FSIP2: variants seen among roughly 807,000 people sequenced by gnomAD.
FSIP2 encodes fibrous sheath interacting protein 2.
FSIP2 carries 367 observed loss-of-function variants against 510.5 expected under a neutral mutation model. The observed-to-expected ratio is 0.72, with a 90% CI of 0.66 to 0.78. The LOEUF is 0.78. FSIP2 is among the 30% of genes least tolerant of loss of function. The probability of loss-of-function intolerance (pLI) is 0.00; values close to 1 mark genes in which losing one functional copy is unlikely to be tolerated. For missense variants in FSIP2, 7,594 were observed against 7,901.7 expected, an observed-to-expected ratio of 0.96 and a Z score of 1.48; for synonymous variants, 2,601 against 2,732.2, an observed-to-expected ratio of 0.95 and a Z score of 1.50.
At chr2:185,820,005 C>A (rs1192655246) in intron 19 of FSIP2, among the ~76,000 whole-genome samples, 1 of 151,820 alleles carries the variant, frequency 6.6e-6, no homozygotes, top group African/African-American at 2.4e-5. Context: ...CTTCAGTATG[C>A]CATTTTCAAT....
At position 185,792,258 on chromosome 2, in the gene FSIP2, T is replaced by G; in HGVS notation, c.5122T>G (p.Tyr1708Asp). The G allele has an allele frequency of 6.5e-7, 1 of 1,533,350 alleles. No homozygotes were observed. The highest frequency in any genetic ancestry group is 1.7e-4 in the Middle Eastern group (1 of 5,970). 95.0% of individuals were successfully genotyped at this position (1,533,350 alleles called of 1,614,324 possible). ...ATCTGAAGGGGGAGGCATTGAAACT[T>G]ATCGATACAGGCCAACATATGGAAG... ...MESEGGGIET[Y>D]RYRPTYGSLP... The change falls in exon 16 of 23, where the codon TAT (tyrosine) becomes GAT (aspartate). Residue 1708 changes from tyrosine (Y) to aspartate (D), a missense_variant. Transcript: ENST00000424728.
At chr2:185,762,093 G>A (rs1248484000) in intron 11 of FSIP2, 76 bp downstream of exon 11, 1 of 688,288 alleles carries the variant, frequency 1.5e-6, no homozygotes, top group Non-Finnish European at 2.4e-6. Context: ...ATTTTAAGTT[G>A]TTTTATCTGA....
intron 13 of FSIP2, among the ~76,000 whole-genome samples, chr2:185,770,887 T>G (rs1692594321): frequency 6.6e-6 from 1 of 152,210 alleles, no homozygotes; most frequent in African/African-American, 2.4e-5. Flanking sequence ...GATACTATGG[T>G]GGTACAGGCA....
At chr2:185,785,772 C>A (rs1404453766) in intron 14 of FSIP2, among the ~76,000 whole-genome samples, 1 of 151,918 alleles carries the variant, frequency 6.6e-6, no homozygotes, top group Non-Finnish European at 1.5e-5. Flanking sequence ...AATAAGCATT[C>A]ACATATTTTC....
At chr2:185,767,187 A>T in intron 13 of FSIP2, among the ~76,000 whole-genome samples, 2 of 146,716 alleles carry the variant, frequency 1.4e-5, no homozygotes, top group African/African-American at 2.5e-5. Context: ...GGCAGGGGGG[A>T]GGGATAGCAT....
rs907194970 is a variant in FSIP2, at chr2:185,808,123, G to A, written c.18817G>A (p.Asp6273Asn). 4 of 1,605,852 alleles carry A rather than the reference G, an allele frequency of 2.5e-6. No individual in the cohort carries two copies. The highest frequency in any genetic ancestry group is 3.4e-6 in the Non-Finnish European group (4 of 1,177,178). The change falls in exon 17 of 23, where the codon GAT (aspartate) becomes AAT (asparagine). Residue 6273 changes from aspartate (D) to asparagine (N), a missense_variant. Physicochemically the swap from Asp to Asn is conservative, Grantham distance 23. Coordinates refer to ENST00000424728, the MANE Select transcript of FSIP2 (RefSeq NM_173651.4). ...TGGCTCTTATACTTCTGTATTTAAA[G>A]ATTTAATGGGTAAAAGCAATGTCCT... ...HSGSYTSVFK[D>N]LMGKSNVLSD...
At chr2:185,832,988 T>G in intron 22 of FSIP2, 102 bp from the exon 23 acceptor site, 5 of 935,604 alleles carry the variant, frequency 5.3e-6, no homozygotes, top group Non-Finnish European at 6.7e-6. Context: ...CTGGACCCTA[T>G]TACCAGCTGG....
rs180802655 is a variant in FSIP2, at chr2:185,782,564, T to G, written c.1412-141T>G. The G allele has an allele frequency of 1.8e-3, 1,158 of 627,804 alleles. 25 individuals carry two copies. The highest frequency in any genetic ancestry group is 2.5e-3 in the Non-Finnish European group (882 of 352,648). The allele number at this position is 627,804 out of a possible 1,614,324, so 38.9% of individuals were successfully genotyped here. ...ACAGTACAGGTCCTTGCTAAGGACT[T>G]TGGACTTCACTGTGGAGAGTCCCTG... On this transcript the variant is annotated intron_variant, in intron 13 of 22. Transcript: ENST00000424728.
Position 185,791,193 on chromosome 2 carries a change from T to C in FSIP2, c.4057T>C (p.Leu1353=), listed in dbSNP as rs1693114588. The change falls in exon 16 of 23, where the codon TTG becomes CTG. Residue 1353 remains leucine, a synonymous_variant. Transcript: ENST00000424728. ...SLVTSIDDDI[L]ASPLLTCIYD... ...TGTCACGAGTATTGATGATGACATT[T>C]TGGCGAGTCCATTATTAACCTGTAT... 6.5e-7 allele frequency: 1 copy of C among 1,533,970 alleles called. No individual in the cohort carries two copies. Among genetic ancestry groups the C allele is most frequent in the Non-Finnish European group, 8.7e-7 (1 of 1,145,356 alleles).
chr2:185,800,386 G>A lies in FSIP2; in HGVS notation c.11080G>A (p.Glu3694Lys). 4 of 1,527,700 alleles carry A rather than the reference G, an allele frequency of 2.6e-6. No individual in the cohort carries two copies. The highest frequency in any genetic ancestry group is 3.5e-6 in the Non-Finnish European group (4 of 1,143,706). 94.6% of individuals were successfully genotyped at this position (1,527,700 alleles called of 1,614,324 possible). Residue 3694 changes from glutamate to lysine, a missense_variant, in exon 17 of 23, where the codon GAA (glutamate) becomes AAA (lysine). Coordinates refer to ENST00000424728, the MANE Select transcript of FSIP2 (RefSeq NM_173651.4). ...TAACCTAAAAACAAGTGAATCCAAA[G>A]AAGTAGTCAATAAAGTTTTTAATAT... ...VGNLKTSESK[E>K]VVNKVFNIVS...
chr2:185,763,837 C>T (rs919951651), intron 12 of FSIP2, among the ~76,000 whole-genome samples: 3 of 151,422 alleles, frequency 2.0e-5, no homozygotes, highest in Non-Finnish European at 4.4e-5. Flanking sequence ...CATCATTTTC[C>T]ATGTCCTAGA....
chr2:185,770,360 T>C lies in FSIP2; in HGVS notation c.1411+5795T>C, dbSNP rs549725507. 2.0e-5 allele frequency among the ~76,000 whole-genome samples: 3 copies of C among 152,262 alleles called. No homozygotes were observed. The South Asian group carries it at 6.2e-4, about 32-fold the overall frequency. On this transcript the variant is annotated intron_variant, in intron 13 of 22. Coordinates refer to ENST00000424728, the MANE Select transcript of FSIP2 (RefSeq NM_173651.4). ...GTTGTGAATCACATTGCAATCCTGA[T>C]TTGGCTCCCAGTAGGCTATACACGC...
chr2:185,805,176 TCTC>T lies in FSIP2; in HGVS notation c.15874_15876del (p.Leu5292del). 1 of 1,609,964 alleles carries T rather than the reference TCTC, an allele frequency of 6.2e-7. No individual in the cohort carries two copies. Among genetic ancestry groups the T allele is most frequent in the Non-Finnish European group, 8.5e-7 (1 of 1,177,702 alleles). On this transcript the variant is annotated inframe_deletion, in exon 17 of 23. Transcript: ENST00000424728. ...TTGACCTTGTTCACAAATTTTGTTCTCTCCTCATTATTACTGAAGATTCTAAGA... is the reference window on the plus strand; with the variant it reads ...TTGACCTTGTTCACAAATTTTGTTCTCTCATTATTACTGAAGATTCTAAGA...
At position 185,805,680 on chromosome 2, in the gene FSIP2, G is replaced by T. The variant is rs546519901; in HGVS notation, c.16374G>T (p.Met5458Ile). 54 of 1,610,688 alleles carry T rather than the reference G, an allele frequency of 3.4e-5. No homozygotes were observed. The highest frequency in any genetic ancestry group is 1.6e-4 in the Middle Eastern group (1 of 6,062). ...DTSSTPDCKN[M>I]MSTLEINRGT... The stretch of plus-strand genomic sequence containing the variant: ...CTTCCACCCCAGATTGCAAAAACAT[G>T]ATGAGCACTTTGGAAATAAATAGAG... The change falls in exon 17 of 23, where the codon ATG (methionine) becomes ATT (isoleucine). Residue 5458 changes from methionine (M) to isoleucine (I), a missense_variant. Physicochemically the swap from Met to Ile is conservative, Grantham distance 10 (BLOSUM62 1). Transcript: ENST00000424728.
At position 185,807,630 on chromosome 2, in the gene FSIP2, T is replaced by G; in HGVS notation, c.18324T>G (p.Ser6108Arg). 1 of 1,613,016 alleles carries G rather than the reference T, an allele frequency of 6.2e-7. No homozygotes were observed. The highest frequency in any genetic ancestry group is 8.5e-7 in the Non-Finnish European group (1 of 1,179,326). ...AGATTATACAAAATTGTGTAACCAG[T>G]GGATGCAAAATCCTTTCAGAAAACA... ...SQEIIQNCVT[S>R]GCKILSENIV... Residue 6108 changes from serine (S) to arginine (R), a missense_variant, in exon 17 of 23, where the codon AGT (serine) becomes AGG (arginine). By Grantham distance (110) the Ser-to-Arg change is moderately radical. Transcript: ENST00000424728.
chr2:185,804,775 T>C lies in FSIP2; in HGVS notation c.15469T>C (p.Leu5157=), dbSNP rs1420706354. Residue 5157 remains leucine, a synonymous_variant, in exon 17 of 23, where the codon TTG becomes CTG. Coordinates refer to ENST00000424728, the MANE Select transcript of FSIP2 (RefSeq NM_173651.4). Reference sequence around the variant, plus strand: ...TGAATTTGTGGAGGCAGCTTCAAAATTGACTGATGAAATTATAAAAGAAAT... The same window carrying C: ...TGAATTTGTGGAGGCAGCTTCAAAACTGACTGATGAAATTATAAAAGAAAT... The part of the protein sequence containing the change: ...DDEFVEAASK[L]TDEIIKEISE... 15 of 1,532,098 alleles carry C rather than the reference T, an allele frequency of 9.8e-6. No homozygotes were observed. The highest frequency in any genetic ancestry group is 2.0e-5 in the Admixed American group (1 of 50,540). The allele number at this position is 1,532,098 out of a possible 1,614,324, so 94.9% of individuals were successfully genotyped here.
At position 185,792,512 on chromosome 2, in the gene FSIP2, T is replaced by C; in HGVS notation, c.5376T>C (p.Thr1792=). 1 of 1,529,898 alleles carries C rather than the reference T, an allele frequency of 6.5e-7. No homozygotes were observed. Among genetic ancestry groups the C allele is most frequent in the Non-Finnish European group, 8.8e-7 (1 of 1,142,022 alleles). 94.8% of individuals were successfully genotyped at this position (1,529,898 alleles called of 1,614,324 possible). A position where few individuals can be genotyped will look rare whatever the true frequency, so the allele number is the denominator to read the frequency against. ...RNILNEIFQS[T]LINQLNVLSL... ...TTTTGAATGAAATTTTTCAAAGTACTTTAATCAATCAATTAAATGTCCTTT... is the reference window on the plus strand; with the variant it reads ...TTTTGAATGAAATTTTTCAAAGTACCTTAATCAATCAATTAAATGTCCTTT... The change falls in exon 16 of 23, where the codon ACT becomes ACC. Residue 1792 remains threonine, a synonymous_variant. Transcript: ENST00000424728.
chr2:185,763,122 A>G, intron 11 of FSIP2, 61 bp from the exon 12 acceptor site: 1 of 764,928 alleles, frequency 1.3e-6, no homozygotes, highest in Non-Finnish European at 2.2e-6. Context: ...GTAAATTAAT[A>G]TTAACCCTTG....
intron 13 of FSIP2, among the ~76,000 whole-genome samples, chr2:185,778,387 C>A (rs1692772548): frequency 6.6e-6 from 1 of 151,964 alleles, no homozygotes; most frequent in Admixed American, 6.6e-5. Context: ...GTATGTGAAA[C>A]TTAATTGGTG....
Sources: allele counts gnomAD v4.1 joint callset (sites outside exome capture counted in the v4.1 genomes callset), GRCh38; gene constraint gnomAD v4.1.1; transcripts MANE v1.5; gene names NCBI Gene and HGNC (gene_info 2026-07-23, HGNC 2026-07-21).